The following COL3A1 variants were observed in gnomAD, a reference collection of about 807,000 sequenced individuals.
The protein encoded by COL3A1 is collagen type III alpha 1 chain.
A neutral mutation model predicts 200.9 loss-of-function variants in COL3A1; 46 were observed. The ratio of observed to expected loss-of-function variants is 0.23; its 90% confidence interval spans 0.18 to 0.29. The LOEUF (loss-of-function observed/expected upper bound fraction) is 0.29, where lower values mean the gene tolerates loss of function less well. COL3A1 is among the 10% of genes least tolerant of loss of function. The pLI, the probability that COL3A1 is intolerant of heterozygous loss-of-function variation, is 1.00. For synonymous variants in COL3A1, 650 were observed against 628.0 expected, an observed-to-expected ratio of 1.03 and a Z score of -0.52; for missense variants, 1,367 against 1,917.6, an observed-to-expected ratio of 0.71 and a Z score of 5.36.
chr2:188,979,434 G>A (rs1687903939), intron 1 of COL3A1, among the ~76,000 whole-genome samples: 1 of 151,860 alleles, frequency 6.6e-6, no homozygotes, highest in Non-Finnish European at 1.5e-5. Flanking sequence ...TGCATTGGAT[G>A]CAGAAGTCTT....
intron 49 of COL3A1, 104 bp from the exon 50 acceptor site, chr2:189,010,544 A>T (rs953614261): frequency 1.7e-5 from 26 of 1,526,778 alleles, no homozygotes; most frequent in Non-Finnish European, 4.5e-6. Flanking sequence ...TACATAAAAT[A>T]TATAAACAGC....
At chr2:189,005,554 G>A in intron 41 of COL3A1, 97 bp downstream of exon 41, 2 of 943,448 alleles carry the variant, frequency 2.1e-6, no homozygotes, top group Non-Finnish European at 3.4e-6. Flanking sequence ...TGTAAATATG[G>A]CCACATAGCA....
chr2:189,008,095 A>T lies in COL3A1; in HGVS notation c.3478A>T (p.Ile1160Phe), dbSNP rs1688636735. The change falls in exon 47 of 51, where the codon ATT becomes TTT. Residue 1160 changes from isoleucine to phenylalanine, a missense_variant. Physicochemically the swap from Ile to Phe is conservative, Grantham distance 21. This residue lies in a region of COL3A1 where 846 missense variants were observed against 1,147.9 expected (regional missense o/e 0.74). Coordinates refer to ENST00000304636, the MANE Select transcript of COL3A1 (RefSeq NM_000090.4). Reference sequence around the variant, plus strand: ...TGGAACCAGTGGACATCCAGGTCCCATTGGACCACCAGGGCCTCGAGGTAA... The same window carrying T: ...TGGAACCAGTGGACATCCAGGTCCCTTTGGACCACCAGGGCCTCGAGGTAA... ...KDGTSGHPGPIGPPGPRGNRG... is the reference protein window; with the variant it reads ...KDGTSGHPGPFGPPGPRGNRG... The T allele has an allele frequency of 6.2e-7, 1 of 1,613,854 alleles. No homozygotes were observed. The highest frequency in any genetic ancestry group is 1.3e-5 in the African/African-American group (1 of 74,920).
intron 5 of COL3A1, 110 bp from the exon 6 acceptor site, chr2:188,987,971 G>A: frequency 1.2e-6 from 1 of 817,716 alleles, no homozygotes; most frequent in Non-Finnish European, 2.1e-6. Context: ...ATCAAAAGAT[G>A]AGATATAGTT....
intron 4 of COL3A1, 56 bp from the exon 5 acceptor site, chr2:188,987,003 A>G: frequency 6.6e-7 from 1 of 1,508,256 alleles, no homozygotes; most frequent in Non-Finnish European, 9.2e-7. Context: ...ATGCTTTTTA[A>G]AAGAATTATG....
At chr2:189,008,786 CAAAT>C in intron 47 of COL3A1, 134 bp from the exon 48 acceptor site, 1 of 953,780 alleles carries the variant, frequency 1.0e-6, no homozygotes, top group Non-Finnish European at 1.6e-6. Flanking sequence ...TAAAGGCACC[CAAAT>C]AAATCTTTAG....
intron 4 of COL3A1, among the ~76,000 whole-genome samples, chr2:188,986,685 T>C (rs1688071345): frequency 6.6e-6 from 1 of 152,046 alleles, no homozygotes; most frequent in Non-Finnish European, 1.5e-5. Flanking sequence ...TTGCTCAAAA[T>C]GAGAAGGTGT....
chr2:188,976,182 C>A (rs576776456), intron 1 of COL3A1, among the ~76,000 whole-genome samples: 1 of 151,996 alleles, frequency 6.6e-6, no homozygotes, highest in Non-Finnish European at 1.5e-5. Context: ...AGACTACAAA[C>A]TTAGGGGTTT....
At position 189,005,375 on chromosome 2, in the gene COL3A1, A is replaced by G. The variant is rs1259392476; in HGVS notation, c.2957A>G (p.Asn986Ser). ...VKGESGKPGA[N>S]GLSGERGPPG... ...GGTGAAAGTGGGAAACCAGGAGCTAACGGTCTCAGTGGAGAACGTGGTCCC... is the reference window on the plus strand; with the variant it reads ...GGTGAAAGTGGGAAACCAGGAGCTAGCGGTCTCAGTGGAGAACGTGGTCCC... The change falls in exon 41 of 51, where the codon AAC becomes AGC. Residue 986 changes from asparagine (N) to serine (S), a missense_variant. Asn to Ser is a conservative substitution (Grantham distance 46). Transcript: ENST00000304636. The G allele has an allele frequency of 6.2e-7, 1 of 1,614,098 alleles. No individual in the cohort carries two copies. The highest frequency in any genetic ancestry group is 8.5e-7 in the Non-Finnish European group (1 of 1,179,976).
At chr2:188,976,652 G>T in intron 1 of COL3A1, among the ~76,000 whole-genome samples, 1 of 152,024 alleles carries the variant, frequency 6.6e-6, no homozygotes, top group Non-Finnish European at 1.5e-5. Context: ...CTTCAGAGAC[G>T]GCACAGCTCT....
chr2:188,984,695 G>T, intron 1 of COL3A1, 65 bp from the exon 2 acceptor site: 1 of 1,423,968 alleles, frequency 7.0e-7, no homozygotes. Flanking sequence ...AGTCCTAACA[G>T]AGTAACAAAA....
chr2:188,999,339 G>A lies in COL3A1; in HGVS notation c.2077G>A (p.Gly693Arg). Residue 693 changes from glycine (G) to arginine (R), a missense_variant, in exon 30 of 51, where the codon GGA becomes AGA. Coordinates refer to ENST00000304636, the MANE Select transcript of COL3A1 (RefSeq NM_000090.4). ...ACCTCCTGGATTGGCAGGGGCCCCA[G>A]GACTTAGAGGTGGAGCTGGTCCCCC... ...RGPPGLAGAP[G>R]LRGGAGPPGP... 6.3e-7 allele frequency: 1 copy of A among 1,594,398 alleles called. No individual in the cohort carries two copies. The highest frequency in any genetic ancestry group is 1.8e-5 in the Admixed American group (1 of 56,402).
intron 43 of COL3A1, among the ~76,000 whole-genome samples, 199 bp downstream of exon 43, chr2:189,006,651 T>G (rs1402729075): frequency 6.6e-6 from 1 of 152,156 alleles, no homozygotes; most frequent in East Asian, 1.9e-4. Flanking sequence ...AATAAAGAAT[T>G]CATTACTGAA....
At chr2:188,986,669 AT>A (rs1387386780) in intron 4 of COL3A1, among the ~76,000 whole-genome samples, 2 of 151,920 alleles carry the variant, frequency 1.3e-5, no homozygotes, top group South Asian at 2.1e-4. Flanking sequence ...ATTTGACTTC[AT>A]TTTTTTGCTC....
rs186224826 is a variant in COL3A1, at chr2:188,987,046, C to A, written c.448-13C>A. 6.2e-7 allele frequency: 1 copy of A among 1,606,388 alleles called. No individual in the cohort carries two copies. The highest frequency in any genetic ancestry group is 2.2e-5 in the East Asian group (1 of 44,812). ...TGTTAAAATGATCATATCTATTTGT[C>A]TCCTTGCCACAGAACTATTCTCCCC... is the stretch of plus-strand genomic sequence containing the variant. On this transcript the variant is annotated splice_polypyrimidine_tract_variant and intron_variant, in intron 4 of 50. Transcript: ENST00000304636.
At chr2:189,008,266 A>G in intron 47 of COL3A1, 124 bp downstream of exon 47, 1 of 822,948 alleles carries the variant, frequency 1.2e-6, no homozygotes, top group Non-Finnish European at 2.0e-6. Flanking sequence ...TTAGAAACTG[A>G]ACAATGACTT....
intron 50 of COL3A1, among the ~76,000 whole-genome samples, chr2:189,011,389 G>T (rs957815316): frequency 3.3e-5 from 5 of 152,150 alleles, no homozygotes; most frequent in East Asian, 1.9e-4. Context: ...GGATGCACTG[G>T]TCTATAGCAA....
At position 188,997,749 on chromosome 2, in the gene COL3A1, T is replaced by C. The variant is rs2153502847; in HGVS notation, c.1919T>C (p.Leu640Ser). 6.2e-7 allele frequency: 1 copy of C among 1,613,984 alleles called. No homozygotes were observed. Among genetic ancestry groups the C allele is most frequent in the Non-Finnish European group, 8.5e-7 (1 of 1,179,848 alleles). ...ACAGGACCCCCTGGTCCACAAGGATTACAAGTAAGAACTTGTTATTTAAAT... is the reference window on the plus strand; with the variant it reads ...ACAGGACCCCCTGGTCCACAAGGATCACAAGTAAGAACTTGTTATTTAAAT... ...GDTGPPGPQG[L>S]QGLPGTGGPP... The change falls in exon 27 of 51, where the codon TTA becomes TCA. Residue 640 changes from leucine (L) to serine (S), a missense_variant. This residue lies in a region of COL3A1 where 846 missense variants were observed against 1,147.9 expected (regional missense o/e 0.74). Transcript: ENST00000304636.
At chr2:188,992,368 C>T in intron 14 of COL3A1, 140 bp downstream of exon 14, 1 of 755,038 alleles carries the variant, frequency 1.3e-6, no homozygotes, top group Admixed American at 2.7e-5. Context: ...ATTAGCATCT[C>T]TGTTGACCAT....
Sources: allele counts gnomAD v4.1 joint callset (sites outside exome capture counted in the v4.1 genomes callset), GRCh38; gene constraint gnomAD v4.1.1; regional missense constraint gnomAD v4.1.1; transcripts MANE v1.5; gene names NCBI Gene and HGNC (gene_info 2026-07-23, HGNC 2026-07-21).